Variants in TMEM117 observed in about 807,000 individuals in gnomAD.
TMEM117 encodes transmembrane protein 117.
In TMEM117, 27 loss-of-function variants were observed where a neutral mutation model predicts 52.4. That is an observed-to-expected ratio of 0.51 (90% CI 0.38 to 0.71). The LOEUF (loss-of-function observed/expected upper bound fraction) is 0.71, where lower values mean the gene tolerates loss of function less well. TMEM117 is among the 30% of genes least tolerant of loss of function. The pLI, the probability that TMEM117 is intolerant of heterozygous loss-of-function variation, is 0.00. For synonymous variants in TMEM117, 215 were observed against 206.3 expected (o/e 1.04, Z -0.36); for missense variants, 556 against 630.5 (o/e 0.88, Z 1.26).
At chr12:44,295,833 A>G (rs1447585025) in intron 5 of TMEM117, among the ~76,000 whole-genome samples, 1 of 151,642 alleles carries the variant, frequency 6.6e-6, no homozygotes, top group African/African-American at 2.4e-5. Context: ...ATAGATCTCA[A>G]TTTCTTTGGG....
At chr12:44,151,792 T>A (rs2138223832) in intron 4 of TMEM117, among the ~76,000 whole-genome samples, 2 of 145,616 alleles carry the variant, frequency 1.4e-5, no homozygotes, top group African/African-American at 2.5e-5. Flanking sequence ...ATTTAGTGCC[T>A]CTTGTGGGCC....
chr12:43,805,982 T>TC, the TMEM117 span: 1 of 1,539,712 alleles, frequency 6.5e-7, no homozygotes, highest in African/African-American at 1.4e-5. Flanking sequence ...TTTCCTTCGC[T>TC]CCCCCGAATT....
rs137856781 is a variant in TMEM117 at position 44,168,761 on chromosome 12, C to T, written c.510+25137C>T. On this transcript the variant is annotated intron_variant, in intron 4 of 7. Transcript: ENST00000266534. ...CATTTTTAAGTGTAGAGTCTGGTGACGCTGGTCATTCACATTGTGTGGAAC... is the reference window on the plus strand; with the variant it reads ...CATTTTTAAGTGTAGAGTCTGGTGATGCTGGTCATTCACATTGTGTGGAAC... Among the ~76,000 whole-genome samples, 190 of 150,452 alleles carry T rather than the reference C, an allele frequency of 1.3e-3. 1 individual carries two copies. The highest frequency in any genetic ancestry group is 4.1e-3 in the African/African-American group (169 of 40,930).
intron 6 of TMEM117, among the ~76,000 whole-genome samples, chr12:44,327,992 G>A (rs1015617410): frequency 2.0e-5 from 3 of 152,112 alleles, no homozygotes; most frequent in South Asian, 2.1e-4. Context: ...CTTCTGTGAC[G>A]GATTACAAAT....
intron 6 of TMEM117, among the ~76,000 whole-genome samples, chr12:44,346,967 T>C (rs1377313710): frequency 6.6e-6 from 1 of 152,086 alleles, no homozygotes. Flanking sequence ...GAATTAGTTT[T>C]AACCACTTTT....
intron 4 of TMEM117, among the ~76,000 whole-genome samples, chr12:44,195,014 C>G (rs1192975614): frequency 6.6e-6 from 1 of 152,222 alleles, no homozygotes; most frequent in East Asian, 1.9e-4. Flanking sequence ...TAGTTTTCTA[C>G]TGCTGCATAA....
chr12:44,367,855 A>G (rs1951810551), intron 6 of TMEM117, among the ~76,000 whole-genome samples: 1 of 152,116 alleles, frequency 6.6e-6, no homozygotes, highest in Non-Finnish European at 1.5e-5. Context: ...CCATTCAGAA[A>G]TTCAGTTGGT....
chr12:44,191,757 A>G (rs1949358076), intron 4 of TMEM117, among the ~76,000 whole-genome samples: 1 of 152,172 alleles, frequency 6.6e-6, no homozygotes, highest in Non-Finnish European at 1.5e-5. Context: ...AGCTATCACA[A>G]TGCTTAGTGG....
intron 3 of TMEM117, among the ~76,000 whole-genome samples, chr12:44,047,366 C>A (rs1265243186): frequency 6.6e-6 from 1 of 152,106 alleles, no homozygotes; most frequent in Non-Finnish European, 1.5e-5. Flanking sequence ...TGCTTTACTG[C>A]AGAGAGAATT....
chr12:43,893,576 G>T (rs922835744), intron 2 of TMEM117, among the ~76,000 whole-genome samples: 1 of 152,094 alleles, frequency 6.6e-6, no homozygotes, highest in Admixed American at 6.5e-5. Flanking sequence ...TTACCTCCAT[G>T]ATTCATTATA....
chr12:44,059,723 G>C (rs1947109911), intron 3 of TMEM117, among the ~76,000 whole-genome samples: 1 of 152,218 alleles, frequency 6.6e-6, no homozygotes, highest in African/African-American at 2.4e-5. Context: ...AATGTGCAAT[G>C]TGCTCATTAA....
chr12:43,868,203 C>A (rs1943642358), intron 2 of TMEM117, among the ~76,000 whole-genome samples: 1 of 150,290 alleles, frequency 6.7e-6, no homozygotes, highest in Admixed American at 6.6e-5. Flanking sequence ...CAACCCCCGC[C>A]CCCCGCCAAT....
the TMEM117 span, chr12:43,805,738 A>AC: frequency 8.1e-7 from 1 of 1,239,732 alleles, no homozygotes; most frequent in Admixed American, 2.0e-5. Context: ...TTTGGGAAGC[A>AC]CCCCTACTGA....
At chr12:43,813,283 G>T in the TMEM117 span, among the ~76,000 whole-genome samples, 1 of 119,616 alleles carries the variant, frequency 8.4e-6, no homozygotes, top group South Asian at 2.8e-4. Context: ...TTGCTCTGTC[G>T]CCCAGGCTGG....
At chr12:44,239,045 C>A (rs1201403947) in intron 5 of TMEM117, among the ~76,000 whole-genome samples, 1 of 152,084 alleles carries the variant, frequency 6.6e-6, no homozygotes, top group Non-Finnish European at 1.5e-5. Context: ...TAGGTTTCTC[C>A]ATTTTTCAAT....
intron 5 of TMEM117, among the ~76,000 whole-genome samples, chr12:44,281,026 A>G (rs189127540): frequency 6.6e-6 from 1 of 152,234 alleles, no homozygotes; most frequent in African/African-American, 2.4e-5. Flanking sequence ...GTTTTTCCTG[A>G]ATTAGTCTTA....
chr12:43,865,647 A>G (rs1312092813), intron 2 of TMEM117, among the ~76,000 whole-genome samples: 4 of 151,862 alleles, frequency 2.6e-5, no homozygotes, highest in African/African-American at 9.7e-5. Context: ...TAGTGAGCTG[A>G]TATCGCACCA....
Position 44,050,203 on chromosome 12 carries a change from G to C in TMEM117, c.411-93322G>C, listed in dbSNP as rs180762985. ...AGAGCTTCTTTGTTTTTGAGACGGAGTCTCATTCTGTCACCCAGGCTGGAG... is the reference window on the plus strand; with the variant it reads ...AGAGCTTCTTTGTTTTTGAGACGGACTCTCATTCTGTCACCCAGGCTGGAG... On this transcript the variant is annotated intron_variant, in intron 3 of 7. Transcript: ENST00000266534. Among the ~76,000 whole-genome samples the C allele has an allele frequency of 5.7e-4, 86 of 152,182 alleles. 1 individual carries two copies. Among genetic ancestry groups the C allele is most frequent in the Non-Finnish European group, 1.1e-3 (72 of 68,022 alleles).
intron 2 of TMEM117, among the ~76,000 whole-genome samples, chr12:43,886,696 C>G (rs1944000446): frequency 6.6e-6 from 1 of 151,966 alleles, no homozygotes; most frequent in Non-Finnish European, 1.5e-5. Flanking sequence ...AAATGTGTGT[C>G]AAGGGGGTTT....
Sources: gnomAD v4.1 joint callset for allele counts (sites outside exome capture counted in the v4.1 genomes callset) on GRCh38, gnomAD v4.1.1 for gene constraint, MANE v1.5 for transcripts, NCBI Gene and HGNC (gene_info 2026-07-23, HGNC 2026-07-21) for gene names.